IGF2R: variants seen among roughly 807,000 people sequenced by gnomAD.
IGF2R encodes the protein insulin like growth factor 2 receptor, also known as cation-independent mannose-6-phosphate receptor.
In IGF2R, 91 loss-of-function variants were observed where a neutral mutation model predicts 270.6. The observed-to-expected ratio is 0.34, with a 90% CI of 0.28 to 0.40. IGF2R has a LOEUF of 0.40. Among genes scored for constraint, IGF2R ranks in the 10% least tolerant of loss-of-function variants. The pLI is 1.00. For synonymous variants in IGF2R, 1,316 were observed against 1,258.9 expected (o/e 1.05, Z -0.96); for missense variants, 2,805 against 3,188.3 (o/e 0.88, Z 2.90).
Position 160,089,092 on chromosome 6 carries a change from C to T in IGF2R, c.6321-15C>T. On this transcript the variant is annotated splice_polypyrimidine_tract_variant and intron_variant, in intron 42 of 47. Coordinates refer to ENST00000356956, the MANE Select transcript of IGF2R (RefSeq NM_000876.4). ...GCTGGGGAAGTGACTGTAGCCTGTGCTTCCCTCCTCCTAGGTTTGATATCG... is the reference window on the plus strand; with the variant it reads ...GCTGGGGAAGTGACTGTAGCCTGTGTTTCCCTCCTCCTAGGTTTGATATCG... 6.2e-7 allele frequency: 1 copy of T among 1,607,560 alleles called. No individual in the cohort carries two copies. Among genetic ancestry groups the T allele is most frequent in the South Asian group, 1.1e-5 (1 of 90,556 alleles).
At chr6:160,099,774 A>G (rs73025516) in intron 45 of IGF2R, among the ~76,000 whole-genome samples, 7,811 of 152,280 alleles carry the variant, frequency 0.051, 254 homozygotes, top group African/African-American at 0.073. Flanking sequence ...CAGCGACCCT[A>G]TGAGGACACA....
chr6:160,080,733 TG>T (rs67407856), intron 39 of IGF2R, among the ~76,000 whole-genome samples: 6,401 of 152,232 alleles, frequency 0.042, 241 homozygotes, highest in East Asian at 0.097. Context: ...CTCAGTGCCT[TG>T]CCCCTGCGGT....
In IGF2R at chr6:160,084,922, GA is replaced by G; in HGVS notation, c.6069-71del. On this transcript the variant is annotated intron_variant, in intron 40 of 47. Coordinates refer to ENST00000356956, the MANE Select transcript of IGF2R (RefSeq NM_000876.4). This position sits in a 1 kb window ranked among gnomAD's most constrained non-coding sequence, Gnocchi z 4.6. ...CAGAACCTTTCTCTGAAAGTAAAGTGAAGAGCCCTCCTGTGTCAGGGCAGAG... is the reference window on the plus strand; with the variant it reads ...CAGAACCTTTCTCTGAAAGTAAAGTGAGAGCCCTCCTGTGTCAGGGCAGAG... 6.9e-7 allele frequency: 1 copy of G among 1,440,624 alleles called. No homozygotes were observed. Among genetic ancestry groups the G allele is most frequent in the South Asian group, 1.3e-5 (1 of 77,480 alleles). The allele number at this position is 1,440,624 out of a possible 1,614,324, so 89.2% of individuals were successfully genotyped here.
chr6:160,083,629 GC>G (rs1395634436), intron 39 of IGF2R, among the ~76,000 whole-genome samples: 1 of 152,246 alleles, frequency 6.6e-6, no homozygotes, highest in African/African-American at 2.4e-5. Context: ...AGTGCATTGT[GC>G]CCCTGGTTTA....
chr6:159,991,896 G>A (rs932924008), intron 2 of IGF2R, among the ~76,000 whole-genome samples: 5 of 152,182 alleles, frequency 3.3e-5, no homozygotes, highest in Admixed American at 3.3e-4. Context: ...GGTCAGGATC[G>A]CTATCCTTCT....
chr6:160,049,540 A>T (rs1385353403), intron 18 of IGF2R, among the ~76,000 whole-genome samples: 1 of 152,126 alleles, frequency 6.6e-6, no homozygotes, highest in Non-Finnish European at 1.5e-5. Flanking sequence ...TCTGAATTCC[A>T]ACTCTGGCAT....
intron 28 of IGF2R, 32 bp downstream of exon 28, chr6:160,064,563 C>G (rs765215583): frequency 6.2e-7 from 1 of 1,610,692 alleles, no homozygotes; most frequent in East Asian, 2.2e-5. Context: ...TCAGCGGGGT[C>G]TTCTCCCCAC....
At chr6:160,100,652 C>G (rs550414809) in intron 45 of IGF2R, among the ~76,000 whole-genome samples, 9 of 150,318 alleles carry the variant, frequency 6.0e-5, no homozygotes, top group African/African-American at 1.7e-4. Flanking sequence ...ACACTGTTTG[C>G]CCAAGCTTAC....
intron 19 of IGF2R, among the ~76,000 whole-genome samples, chr6:160,054,461 G>A (rs1011488832): frequency 6.6e-5 from 10 of 152,314 alleles, no homozygotes; most frequent in African/African-American, 2.2e-4. Context: ...GGGAATGCTG[G>A]TCGATTGTTG....
rs771898423 is a variant in IGF2R, at chr6:160,085,000, A to T, written c.6074A>T (p.Tyr2025Phe). Residue 2025 changes from tyrosine (Y) to phenylalanine (F), a missense_variant, in exon 41 of 48, where the codon TAT (tyrosine) becomes TTT (phenylalanine). Physicochemically the swap from Tyr to Phe is conservative, Grantham distance 22. Coordinates refer to ENST00000356956, the MANE Select transcript of IGF2R (RefSeq NM_000876.4). The surrounding 1 kb of genome is among the most constrained non-coding windows in gnomAD (Gnocchi z 4.6). Reference protein sequence around the residue: ...WSLVHNGVSYYINLCQKIYKG... With the variant: ...WSLVHNGVSYFINLCQKIYKG... ...CCCTTTGTGTCGTTTTCTAGGTACT[A>T]TATAAATCTGTGCCAGAAAATATAT... is the stretch of plus-strand genomic sequence containing the variant. 3.7e-6 allele frequency: 6 copies of T among 1,613,944 alleles called. No individual in the cohort carries two copies. The highest frequency in any genetic ancestry group is 1.1e-5 in the South Asian group (1 of 91,090).
At chr6:160,096,172 T>C in intron 44 of IGF2R, 1 of 336,524 alleles carries the variant, frequency 3.0e-6, no homozygotes, top group Non-Finnish European at 5.4e-6. Context: ...TATTGTTCCA[T>C]TAAAATTGTG....
intron 47 of IGF2R, 28 bp from the exon 48 acceptor site, chr6:160,104,646 C>T (rs746096353): frequency 6.3e-6 from 10 of 1,592,990 alleles, no homozygotes; most frequent in African/African-American, 1.3e-5. Flanking sequence ...AGGGGGCTCA[C>T]GTGGTCTCTG....
At chr6:159,976,744 T>C (rs1046604669) in intron 1 of IGF2R, among the ~76,000 whole-genome samples, 2 of 152,224 alleles carry the variant, frequency 1.3e-5, no homozygotes, top group African/African-American at 4.8e-5. Flanking sequence ...TTTTAGATTT[T>C]TATTTTTTTC....
chr6:160,073,233 A>G lies in IGF2R; in HGVS notation c.4711A>G (p.Arg1571Gly), dbSNP rs952429467. 6.2e-7 allele frequency: 1 copy of G among 1,614,244 alleles called. No homozygotes were observed. Residue 1571 changes from arginine (R) to glycine (G), a missense_variant, in exon 34 of 48, where the codon AGG (arginine) becomes GGG (glycine). Physicochemically the swap from Arg to Gly is moderately radical, Grantham distance 125. Around this residue, in one of 2 missense-constraint regions of IGF2R, gnomAD observed 1,851 missense variants for 2,207.2 expected, o/e 0.84. Transcript: ENST00000356956. ...PGVGACFGQT[R>G]ISVGKANKRL... Reference sequence around the variant, plus strand: ...TGCAGGGGCCTGCTTTGGACAGACCAGGATTAGCGTGGGCAAGGCCAACAA... The same window carrying G: ...TGCAGGGGCCTGCTTTGGACAGACCGGGATTAGCGTGGGCAAGGCCAACAA...
At chr6:160,002,993 C>T (rs1242195067) in intron 2 of IGF2R, among the ~76,000 whole-genome samples, 1 of 152,186 alleles carries the variant, frequency 6.6e-6, no homozygotes, top group African/African-American at 2.4e-5. Flanking sequence ...GTAATGTACT[C>T]ACTAAGGAAC....
In IGF2R at chr6:160,010,867, C is replaced by T. The variant is rs184778943; in HGVS notation, c.513+82C>T. 494 of 784,052 alleles carry T rather than the reference C, an allele frequency of 6.3e-4. 3 individuals carry two copies. Among genetic ancestry groups the T allele is most frequent in the South Asian group, 4.2e-4 (24 of 57,764 alleles). 48.6% of individuals were successfully genotyped at this position (784,052 alleles called of 1,614,324 possible). A position where few individuals can be genotyped will look rare whatever the true frequency, so the allele number is the denominator to read the frequency against. ...TTTCAAATACTGATTCTAACCTTTC[C>T]GGGTGAAAATCTTTTTTAGCTTCCA... On this transcript the variant is annotated intron_variant, in intron 4 of 47. Transcript: ENST00000356956.
In IGF2R at chr6:160,086,971, C is replaced by T. The variant is rs116388920; in HGVS notation, c.6206-1062C>T. Among the ~76,000 whole-genome samples the T allele has an allele frequency of 3.7e-3, 560 of 152,148 alleles. 5 individuals carry two copies. The highest frequency in any genetic ancestry group is 0.013 in the African/African-American group (536 of 41,508). On this transcript the variant is annotated intron_variant, in intron 41 of 47. Coordinates refer to ENST00000356956, the MANE Select transcript of IGF2R (RefSeq NM_000876.4). ...ATCTGTCCATGCAGCCAGGCTGGGCCCAGACCGTTCCCAGAACAGCCCCCT... is the reference window on the plus strand; with the variant it reads ...ATCTGTCCATGCAGCCAGGCTGGGCTCAGACCGTTCCCAGAACAGCCCCCT...
rs1358941347 is a variant in IGF2R at position 160,027,175 on chromosome 6, T to C, written c.647-10T>C. On this transcript the variant is annotated splice_polypyrimidine_tract_variant and intron_variant, in intron 5 of 47. Transcript: ENST00000356956. The stretch of plus-strand genomic sequence containing the variant: ...ACCTAATCTGATTTAATGTAATACA[T>C]GATTTTCAGACACACTACGAGACCC... 1 of 1,614,160 alleles carries C rather than the reference T, an allele frequency of 6.2e-7. No individual in the cohort carries two copies. Among genetic ancestry groups the C allele is most frequent in the South Asian group, 1.1e-5 (1 of 91,092 alleles).
intron 1 of IGF2R, among the ~76,000 whole-genome samples, chr6:159,986,104 C>A (rs1331972617): frequency 6.6e-6 from 1 of 152,114 alleles, no homozygotes; most frequent in Non-Finnish European, 1.5e-5. Context: ...TCTCCCCGCT[C>A]CTCTCCTGTG....
Sources: allele counts gnomAD v4.1 joint callset (sites outside exome capture counted in the v4.1 genomes callset), GRCh38; gene constraint gnomAD v4.1.1; regional missense constraint gnomAD v4.1.1; non-coding constraint Gnocchi (gnomAD v3.1); transcripts MANE v1.5; gene names NCBI Gene and HGNC (gene_info 2026-07-23, HGNC 2026-07-21).